Variants in ZRANB3 observed in about 807,000 individuals in gnomAD.
ZRANB3 encodes DNA annealing helicase and endonuclease ZRANB3.
In ZRANB3, 125 loss-of-function variants were observed where a neutral mutation model predicts 133.8. The observed-to-expected ratio is 0.93, with a 90% CI of 0.81 to 1.08. The LOEUF (loss-of-function observed/expected upper bound fraction) is 1.08. Among genes scored for constraint, ZRANB3 ranks in the 50% least tolerant of loss-of-function variants. The pLI, the probability that ZRANB3 is intolerant of heterozygous loss-of-function variation, is 0.00. For missense variants in ZRANB3, 1,229 were observed against 1,275.5 expected (o/e 0.96, Z 0.56); for synonymous variants, 387 against 432.7 (o/e 0.89, Z 1.31).
intron 3 of ZRANB3, among the ~76,000 whole-genome samples, chr2:135,389,305 G>T (rs557877370): frequency 5.9e-4 from 90 of 152,184 alleles, no homozygotes; most frequent in Admixed American, 1.8e-3. Context: ...AAAAAATTAG[G>T]TCATTATAAA....
chr2:135,483,363 G>C (rs995813141), intron 2 of ZRANB3, among the ~76,000 whole-genome samples: 4 of 152,260 alleles, frequency 2.6e-5, no homozygotes, highest in African/African-American at 7.2e-5. Context: ...TATTTGTCGA[G>C]GAATTTATCC....
intron 3 of ZRANB3, among the ~76,000 whole-genome samples, chr2:135,368,068 T>C (rs1686014882): frequency 6.6e-6 from 1 of 152,112 alleles, no homozygotes; most frequent in Admixed American, 6.5e-5. Flanking sequence ...AGGAATTCAC[T>C]TTTAATCTAT....
At chr2:135,428,399 C>G (rs553743504) in intron 2 of ZRANB3, among the ~76,000 whole-genome samples, 1 of 143,434 alleles carries the variant, frequency 7.0e-6, no homozygotes, top group Admixed American at 7.3e-5. Context: ...ACACTCCAGC[C>G]TGGGTGACAG....
At chr2:135,227,043 T>C (rs532919707) in intron 14 of ZRANB3, among the ~76,000 whole-genome samples, 2 of 152,326 alleles carry the variant, frequency 1.3e-5, no homozygotes, top group African/African-American at 4.8e-5. Context: ...ATTATATTAG[T>C]GTTTAATAGC....
chr2:135,480,272 T>C (rs1001609358), intron 2 of ZRANB3, among the ~76,000 whole-genome samples: 2 of 152,064 alleles, frequency 1.3e-5, no homozygotes, highest in Admixed American at 6.6e-5. Context: ...CCTTACCCTG[T>C]TAGGCTGAGA....
rs530205447 is a variant in ZRANB3 at position 135,260,824 on chromosome 2, T to C, written c.1539+4710A>G. Among the ~76,000 whole-genome samples, 5 of 145,448 alleles carry C rather than the reference T, an allele frequency of 3.4e-5. 1 individual carries two copies. In the South Asian group the frequency reaches 1.1e-3, roughly 31 times the overall value. ...TCAAGTTTATAGTATATATATACTA[T>C]ATATTCTATATATATACTATATATA... On this transcript the variant is annotated intron_variant, in intron 12 of 20. Transcript: ENST00000264159.
chr2:135,432,371 A>G (rs970792323), intron 2 of ZRANB3, among the ~76,000 whole-genome samples: 8 of 152,232 alleles, frequency 5.3e-5, no homozygotes, highest in Non-Finnish European at 1.0e-4. Context: ...CATTACATGA[A>G]AATGGGAATT....
At position 135,356,772 on chromosome 2, in the gene ZRANB3, A is replaced by G. The variant is rs532758682; in HGVS notation, c.181-3144T>C. 5.3e-5 allele frequency among the ~76,000 whole-genome samples: 8 copies of G among 152,226 alleles called. No individual in the cohort carries two copies. In the South Asian group the frequency reaches 1.0e-3, roughly 20 times the overall value. On this transcript the variant is annotated intron_variant, in intron 3 of 20. Coordinates refer to ENST00000264159, the MANE Select transcript of ZRANB3 (RefSeq NM_032143.4). ...GCTGTGGCTGGAGGGCAGTGGCGTA[A>G]TCGTGGCTCACTGCAGCCTCGATCT... is the stretch of plus-strand genomic sequence containing the variant.
At chr2:135,213,666 A>G (rs920120273) in intron 17 of ZRANB3, among the ~76,000 whole-genome samples, 7 of 152,092 alleles carry the variant, frequency 4.6e-5, no homozygotes, top group Non-Finnish European at 1.0e-4. Context: ...ACAGATCCTC[A>G]TCGTTTTTCT....
chr2:135,371,995 C>T (rs1281544785), intron 3 of ZRANB3, among the ~76,000 whole-genome samples: 1 of 151,930 alleles, frequency 6.6e-6, no homozygotes, highest in Admixed American at 6.6e-5. Context: ...TGGTGAAACC[C>T]CATGTCTACT....
At chr2:135,513,290 C>G (rs544553711) in intron 1 of ZRANB3, among the ~76,000 whole-genome samples, 1 of 152,260 alleles carries the variant, frequency 6.6e-6, no homozygotes, top group Non-Finnish European at 1.5e-5. Context: ...TAGAGGACTT[C>G]TACTTCCTGG....
At chr2:135,405,136 A>C (rs947512389) in intron 2 of ZRANB3, among the ~76,000 whole-genome samples, 7 of 151,192 alleles carry the variant, frequency 4.6e-5, no homozygotes, top group Non-Finnish European at 8.8e-5. Context: ...TCTACCAAGC[A>C]AATGGAAAAC....
chr2:135,343,350 C>T lies in ZRANB3; in HGVS notation c.677+2200G>A, dbSNP rs938712192. 2.7e-5 allele frequency among the ~76,000 whole-genome samples: 4 copies of T among 149,534 alleles called. 1 individual carries two copies. Among genetic ancestry groups the T allele is most frequent in the African/African-American group, 5.1e-5 (2 of 39,110 alleles). ...TTCCTTGAATTCCTAATGTGAATGC[C>T]ATTTGCATATAATCAATATATTAGG... On this transcript the variant is annotated intron_variant, in intron 6 of 20. Coordinates refer to ENST00000264159, the MANE Select transcript of ZRANB3 (RefSeq NM_032143.4).
In ZRANB3 at chr2:135,405,695, C is replaced by T. The variant is rs536285205; in HGVS notation, c.162-14875G>A. On this transcript the variant is annotated intron_variant, in intron 2 of 20. Coordinates refer to ENST00000264159, the MANE Select transcript of ZRANB3 (RefSeq NM_032143.4). ...TCAAATCCGCTCAACTACATGGAAA[C>T]TGAACAACCTGCTCCTGAATGACTA... Among the ~76,000 whole-genome samples, 7 of 152,298 alleles carry T rather than the reference C, an allele frequency of 4.6e-5. No individual in the cohort carries two copies. In the East Asian group the frequency reaches 1.2e-3, roughly 25 times the overall value.
intron 2 of ZRANB3, among the ~76,000 whole-genome samples, chr2:135,415,688 C>A (rs938819755): frequency 6.6e-6 from 1 of 152,166 alleles, no homozygotes; most frequent in South Asian, 2.1e-4. Context: ...CCTTGATGAA[C>A]ATTGATGCAA....
chr2:135,334,765 C>T (rs781373656), intron 6 of ZRANB3, among the ~76,000 whole-genome samples: 24 of 151,910 alleles, frequency 1.6e-4, no homozygotes, highest in African/African-American at 5.1e-4. Context: ...CATGGTGGCG[C>T]GCGCCTGTAG....
chr2:135,490,875 A>T (rs894152678), intron 2 of ZRANB3, among the ~76,000 whole-genome samples: 5 of 152,230 alleles, frequency 3.3e-5, no homozygotes, highest in African/African-American at 1.2e-4. Context: ...GTTAAGTGAA[A>T]TAAGCCAAGC....
At chr2:135,214,399 A>T (rs957909391) in intron 17 of ZRANB3, among the ~76,000 whole-genome samples, 2 of 151,878 alleles carry the variant, frequency 1.3e-5, no homozygotes, top group African/African-American at 2.4e-5. Context: ...ATGTATATAT[A>T]ATTTTATAAA....
intron 2 of ZRANB3, among the ~76,000 whole-genome samples, chr2:135,419,699 G>GT (rs57043904): frequency 1.4e-3 from 197 of 142,348 alleles, no homozygotes; most frequent in South Asian, 2.2e-3. Context: ...CCTCACAAAG[G>GT]TTTTTTTTTT....
Sources: gnomAD v4.1 joint callset for allele counts (sites outside exome capture counted in the v4.1 genomes callset) on GRCh38, gnomAD v4.1.1 for gene constraint, MANE v1.5 for transcripts, NCBI Gene and HGNC (gene_info 2026-07-23, HGNC 2026-07-21) for gene names.